The following TSC22D1 variants were observed in gnomAD, a reference collection of about 807,000 sequenced individuals.
The protein encoded by TSC22D1 is TSC22 domain family member 1, also known as TSC22 domain family protein 1.
In TSC22D1, 9 loss-of-function variants were observed where a neutral mutation model predicts 74.2. The ratio of observed to expected loss-of-function variants is 0.12; its 90% CI spans 0.07 to 0.21. TSC22D1 has a LOEUF of 0.21. Among genes scored for constraint, TSC22D1 ranks in the 10% least tolerant of loss-of-function variants. The pLI is 1.00. For missense variants in TSC22D1, 1,427 were observed against 1,304.7 expected (o/e 1.09, Z -1.44); for synonymous variants, 586 against 492.5 (o/e 1.19, Z -2.51).
At chr13:44,495,230 C>A (rs1878911657) in intron 1 of TSC22D1, among the ~76,000 whole-genome samples, 2 of 143,840 alleles carry the variant, frequency 1.4e-5, no homozygotes, top group Admixed American at 7.0e-5. Context: ...TTTGATAAGC[C>A]AATTTCTCAG....
At chr13:44,455,028 C>T (rs1876465923) in intron 1 of TSC22D1, among the ~76,000 whole-genome samples, 1 of 152,080 alleles carries the variant, frequency 6.6e-6, no homozygotes, top group African/African-American at 2.4e-5. Context: ...GGACAAAAGT[C>T]TCTGTCTTCC....
At chr13:44,546,912 A>C (rs1307770197) in intron 1 of TSC22D1, among the ~76,000 whole-genome samples, 3 of 152,076 alleles carry the variant, frequency 2.0e-5, no homozygotes, top group Non-Finnish European at 2.9e-5. Context: ...CTGGGACTAC[A>C]GGGACACACC....
intron 1 of TSC22D1, among the ~76,000 whole-genome samples, chr13:44,496,840 C>CT (rs1167966643): frequency 1.3e-5 from 2 of 152,040 alleles, no homozygotes; most frequent in Non-Finnish European, 2.9e-5. Context: ...AAGTGAGACT[C>CT]TGTCTCAAAA....
intron 1 of TSC22D1, among the ~76,000 whole-genome samples, chr13:44,543,899 C>G (rs1228493988): frequency 1.3e-5 from 2 of 152,154 alleles, no homozygotes; most frequent in Non-Finnish European, 2.9e-5. Context: ...CAAGACCAGA[C>G]TGGCCAACAT....
At chr13:44,540,276 AAGG>A (rs1241203700) in intron 1 of TSC22D1, among the ~76,000 whole-genome samples, 5 of 152,304 alleles carry the variant, frequency 3.3e-5, no homozygotes, top group Admixed American at 2.0e-4. Context: ...AGATATATCA[AAGG>A]AGGAGTCCCA....
At chr13:44,471,766 C>T (rs527633190) in intron 1 of TSC22D1, among the ~76,000 whole-genome samples, 5 of 152,256 alleles carry the variant, frequency 3.3e-5, no homozygotes, top group African/African-American at 1.2e-4. Context: ...AAAGCTTATC[C>T]TGTGAAAATA....
intron 1 of TSC22D1, among the ~76,000 whole-genome samples, chr13:44,547,572 T>C (rs1881908908): frequency 1.3e-5 from 2 of 152,136 alleles, no homozygotes; most frequent in Admixed American, 1.3e-4. Flanking sequence ...CTGAAGACCT[T>C]CTCCTCATTT....
rs757812336 is a variant in TSC22D1 at position 44,573,428 on chromosome 13, T to C, written c.2647A>G (p.Asn883Asp). 5.6e-6 allele frequency: 9 copies of C among 1,614,280 alleles called. No individual in the cohort carries two copies. The highest frequency in any genetic ancestry group is 7.6e-6 in the Non-Finnish European group (9 of 1,180,056). ...GGTATCTGTTGTGCCAAAGGCAAAT[T>C]TGTATTAGTTGCTATCAAGGGAGGT... Reference protein sequence around the residue: ...SQPPLIATNTNLPLAQQIPLS... With the variant: ...SQPPLIATNTDLPLAQQIPLS... Residue 883 changes from asparagine (N) to aspartate (D), a missense_variant, in exon 1 of 3, where the codon AAT becomes GAT. Asn to Asp is a conservative substitution (Grantham distance 23, BLOSUM62 1). Coordinates refer to ENST00000458659, the MANE Select transcript of TSC22D1 (RefSeq NM_183422.4).
chr13:44,446,742 GAAAAAAAAAA>G (rs375153995), intron 1 of TSC22D1, among the ~76,000 whole-genome samples: 5 of 84,346 alleles, frequency 5.9e-5, no homozygotes, highest in Non-Finnish European at 1.2e-4. Flanking sequence ...TGGGAAGAAT[GAAAAAAAAAA>G]AAGAAGAAGA....
At chr13:44,523,529 A>G (rs1385720134) in intron 1 of TSC22D1, among the ~76,000 whole-genome samples, 1 of 152,208 alleles carries the variant, frequency 6.6e-6, no homozygotes, top group African/African-American at 2.4e-5. Flanking sequence ...AAAAAGCTAC[A>G]CACTGCATGA....
At chr13:44,564,515 T>C (rs775318501) in intron 1 of TSC22D1, among the ~76,000 whole-genome samples, 9 of 152,096 alleles carry the variant, frequency 5.9e-5, no homozygotes, top group Non-Finnish European at 1.3e-4. Context: ...CAGGCTAAAA[T>C]AACAGCATGT....
At chr13:44,493,849 C>T (rs777914334) in intron 1 of TSC22D1, among the ~76,000 whole-genome samples, 46 of 152,110 alleles carry the variant, frequency 3.0e-4, no homozygotes, top group Non-Finnish European at 5.7e-4. Context: ...TATTCAAGGC[C>T]ATCTGTCAAA....
chr13:44,466,007 A>AAAC (rs1877264835), intron 1 of TSC22D1, among the ~76,000 whole-genome samples: 1 of 98,180 alleles, frequency 1.0e-5, no homozygotes, highest in Non-Finnish European at 2.3e-5. Context: ...AACAAACAAA[A>AAAC]CTTTGCAATT....
rs1250772246 is a variant in TSC22D1, at chr13:44,434,165, A to AGT, written c.*459_*460dup. 7 of 1,479,190 alleles carry AGT rather than the reference A, an allele frequency of 4.7e-6. No individual in the cohort carries two copies. Among genetic ancestry groups the AGT allele is most frequent in the Non-Finnish European group, 6.2e-6 (7 of 1,129,720 alleles). The allele number at this position is 1,479,190 out of a possible 1,614,324, so 91.6% of individuals were successfully genotyped here. A position where few individuals can be genotyped will look rare whatever the true frequency, so the allele number is the denominator to read the frequency against. ...AGTGAACTCTGTTCCCCCTCATTTT[A>AGT]GTCTTTTTACCCTCCTTTCAAGTTC... On this transcript the variant is annotated 3_prime_UTR_variant, in exon 3 of 3. Coordinates refer to ENST00000458659, the MANE Select transcript of TSC22D1 (RefSeq NM_183422.4).
intron 1 of TSC22D1, among the ~76,000 whole-genome samples, chr13:44,481,535 C>T (rs1353407870): frequency 6.6e-6 from 1 of 152,182 alleles, no homozygotes; most frequent in East Asian, 1.9e-4. Context: ...TAGCCTCAGT[C>T]AGTGTAATAA....
At chr13:44,515,399 C>T (rs1352744041) in intron 1 of TSC22D1, among the ~76,000 whole-genome samples, 5 of 150,784 alleles carry the variant, frequency 3.3e-5, no homozygotes, top group South Asian at 2.1e-4. Context: ...AGCAGAACAG[C>T]ATATATAGTG....
At chr13:44,576,788 G>C (rs1256313522), upstream of TSC22D1, among the ~76,000 whole-genome samples, 2 of 151,374 alleles carry the variant, frequency 1.3e-5, no homozygotes, top group African/African-American at 4.8e-5. Context: ...AACGAGGCGC[G>C]GGCGGGCGCG....
chr13:44,557,078 GGTT>G (rs1420760854), intron 1 of TSC22D1, among the ~76,000 whole-genome samples: 2 of 151,666 alleles, frequency 1.3e-5, no homozygotes, highest in Non-Finnish European at 1.5e-5. Context: ...GGGAGTCAGA[GGTT>G]GTGGTGAGCC....
chr13:44,561,609 A>T (rs1344608013), intron 1 of TSC22D1, among the ~76,000 whole-genome samples: 1 of 152,174 alleles, frequency 6.6e-6, no homozygotes. Flanking sequence ...TAAACCCAGT[A>T]GCTATCAAAC....
Sources: gnomAD v4.1 joint callset for allele counts (sites outside exome capture counted in the v4.1 genomes callset) on GRCh38, gnomAD v4.1.1 for gene constraint, MANE v1.5 for transcripts, NCBI Gene and HGNC (gene_info 2026-07-23, HGNC 2026-07-21) for gene names.